The following MIGA1 variants were observed in gnomAD, a reference collection of about 807,000 sequenced individuals.
MIGA1 encodes the protein family with sequence similarity 73, member A.
MIGA1 carries 58 observed loss-of-function variants against 82.0 expected under a neutral mutation model. The ratio of observed to expected loss-of-function variants is 0.71; its 90% confidence interval spans 0.57 to 0.88. The LOEUF is 0.88. Among genes scored for constraint, MIGA1 ranks in the 40% least tolerant of loss-of-function variants. MIGA1 has a pLI of 0.00. For missense variants in MIGA1, 751 were observed against 749.1 expected (o/e 1.00, Z -0.03); for synonymous variants, 249 against 253.6 (o/e 0.98, Z 0.17).
intron 8 of MIGA1, chr1:77,847,708 T>C (rs1405777878): frequency 6.3e-7 from 1 of 1,582,868 alleles, no homozygotes; most frequent in East Asian, 2.2e-5. Flanking sequence ...AATCAAGCAG[T>C]TGGTGAAGAG....
chr1:77,812,886 C>A (rs1447849583), intron 5 of MIGA1, among the ~76,000 whole-genome samples: 1 of 152,106 alleles, frequency 6.6e-6, no homozygotes, highest in Non-Finnish European at 1.5e-5. Flanking sequence ...TCCAAATCCG[C>A]CTGTTGGGAT....
chr1:77,827,114 G>T (rs1417612598), intron 7 of MIGA1, among the ~76,000 whole-genome samples: 5 of 150,948 alleles, frequency 3.3e-5, no homozygotes, highest in African/African-American at 1.2e-4. Flanking sequence ...GCCAAAAAGA[G>T]CCTTTTTTTT....
chr1:77,780,602 A>G (rs1405067694), intron 1 of MIGA1, among the ~76,000 whole-genome samples: 5 of 152,176 alleles, frequency 3.3e-5, no homozygotes, highest in Non-Finnish European at 2.9e-5. Flanking sequence ...ACTGTTTATG[A>G]CACTTATTTT....
Position 77,860,093 on chromosome 1 carries a change from A to C in MIGA1, c.1242A>C (p.Lys414Asn). The change falls in exon 11 of 16, where the codon AAA becomes AAC. Residue 414 changes from lysine (K) to asparagine (N), a missense_variant. Transcript: ENST00000370791. ...TATTCCTCGCTGAGAGCGGAAGGAA[A>C]ATTTTATCAGCTTTAATTGTGAAAG... is the stretch of plus-strand genomic sequence containing the variant. 6.2e-7 allele frequency: 1 copy of C among 1,611,994 alleles called. No individual in the cohort carries two copies. The highest frequency in any genetic ancestry group is 2.2e-5 in the East Asian group (1 of 44,796).
intron 7 of MIGA1, among the ~76,000 whole-genome samples, chr1:77,830,434 AC>A (rs1031295729): frequency 9.9e-5 from 15 of 152,008 alleles, no homozygotes; most frequent in African/African-American, 3.6e-4. Context: ...AATATTAACA[AC>A]TCTTGTGAAC....
intron 7 of MIGA1, among the ~76,000 whole-genome samples, chr1:77,826,308 A>G (rs1684025778): frequency 6.6e-6 from 1 of 152,210 alleles, no homozygotes; most frequent in South Asian, 2.1e-4. Context: ...CTTTTTATAA[A>G]TCTACCTTTT....
At chr1:77,848,776 AG>A (rs1235018385) in intron 8 of MIGA1, 1 of 1,292,744 alleles carries the variant, frequency 7.7e-7, no homozygotes, top group Non-Finnish European at 1.1e-6. Flanking sequence ...TAATGCAAAG[AG>A]CTATATTGAC....
At chr1:77,825,675 A>G (rs1684002846) in intron 7 of MIGA1, among the ~76,000 whole-genome samples, 1 of 152,246 alleles carries the variant, frequency 6.6e-6, no homozygotes, top group South Asian at 2.1e-4. Context: ...TCTTCTAGCT[A>G]AAAGTATCTG....
chr1:77,796,307 A>G (rs1170141641), intron 2 of MIGA1, among the ~76,000 whole-genome samples: 2 of 151,686 alleles, frequency 1.3e-5, no homozygotes, highest in Non-Finnish European at 2.9e-5. Context: ...TTTAGTAGAG[A>G]CGGGGTTTCA....
At chr1:77,868,554 A>G (rs752720877) in intron 14 of MIGA1, 8 of 152,162 alleles carry the variant, frequency 5.3e-5, no homozygotes, top group Non-Finnish European at 1.2e-4. Context: ...ATAGATACCT[A>G]TATGTCTCAC....
intron 12 of MIGA1, among the ~76,000 whole-genome samples, chr1:77,863,004 A>G (rs146525286): frequency 6.6e-6 from 1 of 152,224 alleles, no homozygotes; most frequent in East Asian, 1.9e-4. Context: ...AGGCAGAGAA[A>G]ACAGTGGATA....
chr1:77,829,530 G>T (rs1043413790), intron 7 of MIGA1, among the ~76,000 whole-genome samples: 2 of 152,112 alleles, frequency 1.3e-5, no homozygotes, highest in African/African-American at 4.8e-5. Context: ...GTGCCGCGGC[G>T]CGATCTCAGC....
intron 2 of MIGA1, among the ~76,000 whole-genome samples, chr1:77,784,558 G>A (rs774000946): frequency 2.6e-5 from 4 of 152,152 alleles, no homozygotes; most frequent in Non-Finnish European, 5.9e-5. Context: ...CTGCCATACT[G>A]TTTTTCACAG....
rs186361290 is a variant in MIGA1, at chr1:77,862,810, G to T, written c.1375-1084G>T. On this transcript the variant is annotated intron_variant, in intron 12 of 15. Coordinates refer to ENST00000370791, the MANE Select transcript of MIGA1 (RefSeq NM_198549.4). ...ACAAAAATTAGCCAGGCATGGTGGTGCATGCCTGTAATCCCAGCTACTCAG... is the reference window on the plus strand; with the variant it reads ...ACAAAAATTAGCCAGGCATGGTGGTTCATGCCTGTAATCCCAGCTACTCAG... Among the ~76,000 whole-genome samples the T allele has an allele frequency of 2.6e-4, 39 of 151,970 alleles. No individual in the cohort carries two copies. In the East Asian group the frequency reaches 7.4e-3, roughly 29 times the overall value.
intron 9 of MIGA1, 88 bp from the exon 10 acceptor site, chr1:77,859,226 C>T: frequency 2.6e-6 from 3 of 1,140,514 alleles, no homozygotes; most frequent in South Asian, 1.2e-5. Flanking sequence ...TATTAAGGTC[C>T]TGAGGTTAAG....
At chr1:77,869,121 A>G (rs56270305) in intron 14 of MIGA1, among the ~76,000 whole-genome samples, 108 of 149,812 alleles carry the variant, frequency 7.2e-4, no homozygotes, top group South Asian at 2.2e-3. Flanking sequence ...CTGGGTACTT[A>G]AGATTAGGGA....
intron 8 of MIGA1, among the ~76,000 whole-genome samples, chr1:77,856,237 T>C (rs1056705469): frequency 7.9e-5 from 12 of 152,234 alleles, no homozygotes; most frequent in Non-Finnish European, 1.3e-4. Context: ...ATCCCTGGTA[T>C]GAAACCCAGT....
intron 1 of MIGA1, chr1:77,780,230 G>A: frequency 1.0e-6 from 1 of 971,346 alleles, no homozygotes; most frequent in Non-Finnish European, 1.2e-6. Context: ...CGGCTTGGAT[G>A]CGGGTGGTTT....
intron 4 of MIGA1, among the ~76,000 whole-genome samples, chr1:77,805,018 G>A (rs12404838): frequency 0.24 from 32,793 of 136,570 alleles, 5,280 homozygotes; most frequent in Admixed American, 0.39. Flanking sequence ...TTTTTGAGAC[G>A]GAGTCTCACT....
Sources: allele counts gnomAD v4.1 joint callset (sites outside exome capture counted in the v4.1 genomes callset), GRCh38; gene constraint gnomAD v4.1.1; transcripts MANE v1.5; gene names NCBI Gene and HGNC (gene_info 2026-07-23, HGNC 2026-07-21).